The following CSNK1G1 variants were observed in gnomAD, a reference collection of about 807,000 sequenced individuals.
The protein encoded by CSNK1G1 is casein kinase 1 gamma 1.
Under a neutral mutation model 59.6 loss-of-function variants are expected in CSNK1G1, and 22 were observed. That is an observed-to-expected ratio of 0.37 (90% CI 0.26 to 0.53). CSNK1G1 has a LOEUF of 0.53. Ranked by LOEUF, CSNK1G1 falls within the 20% of genes least tolerant of loss-of-function variation. The probability of loss-of-function intolerance (pLI) is 0.89; values close to 1 mark genes in which losing one functional copy is unlikely to be tolerated. For synonymous variants in CSNK1G1, 179 were observed against 177.1 expected (o/e 1.01, Z -0.08); for missense variants, 384 against 519.5 (o/e 0.74, Z 2.54).
At chr15:64,334,962 G>C (rs1235060090) in intron 1 of CSNK1G1, among the ~76,000 whole-genome samples, 2 of 152,136 alleles carry the variant, frequency 1.3e-5, no homozygotes, top group South Asian at 4.1e-4. Context: ...AGTAAGCTTA[G>C]AGACCACAAT....
In CSNK1G1 at chr15:64,275,354, G is replaced by A. The variant is rs1893550411; in HGVS notation, c.182-16113C>T. 2.6e-5 allele frequency among the ~76,000 whole-genome samples: 4 copies of A among 152,096 alleles called. No homozygotes were observed. The South Asian group carries it at 8.3e-4, about 32-fold the overall frequency. ...CGGCCCAAAGAGCATCTCTTTAAGT[G>A]AGCAGTATGATTAGGGGTAAGAAGA... On this transcript the variant is annotated intron_variant, in intron 2 of 11. Transcript: ENST00000303052.
At chr15:64,320,270 C>T (rs967756712) in intron 1 of CSNK1G1, among the ~76,000 whole-genome samples, 1 of 151,994 alleles carries the variant, frequency 6.6e-6, no homozygotes, top group Non-Finnish European at 1.5e-5. Flanking sequence ...GAGGTTACAA[C>T]GCTCAGAAGT....
In CSNK1G1 at chr15:64,174,465, AG is replaced by A. The variant is rs139086627; in HGVS notation, c.1215-2481del. On this transcript the variant is annotated intron_variant, in intron 11 of 11. Coordinates refer to ENST00000303052, the MANE Select transcript of CSNK1G1 (RefSeq NM_022048.5). ...CTCTTTGGTGTCTGTGGTGACTACT[AG>A]CAACAGGATCTATTAAACTGGGTCA... Among the ~76,000 whole-genome samples, 1,085 of 152,362 alleles carry A rather than the reference AG, an allele frequency of 7.1e-3. 12 individuals carry two copies. The highest frequency in any genetic ancestry group is 0.025 in the African/African-American group (1,038 of 41,586).
At chr15:64,294,198 G>A (rs1053854810) in intron 2 of CSNK1G1, among the ~76,000 whole-genome samples, 22 of 152,012 alleles carry the variant, frequency 1.4e-4, no homozygotes, top group Admixed American at 7.9e-4. Flanking sequence ...TCAGCCTTCC[G>A]AGTAGCTGGG....
At chr15:64,291,924 C>A (rs189084019) in intron 2 of CSNK1G1, among the ~76,000 whole-genome samples, 1 of 151,632 alleles carries the variant, frequency 6.6e-6, no homozygotes, top group Non-Finnish European at 1.5e-5. Flanking sequence ...AAAAGCAGGG[C>A]GCAGTGGCTC....
intron 11 of CSNK1G1, among the ~76,000 whole-genome samples, chr15:64,178,888 C>T (rs1267928595): frequency 2.0e-5 from 3 of 151,998 alleles, no homozygotes; most frequent in Non-Finnish European, 4.4e-5. Context: ...GTACCTAGGA[C>T]TACAGGTGCA....
intron 3 of CSNK1G1, among the ~76,000 whole-genome samples, chr15:64,252,864 G>C (rs1053412660): frequency 1.3e-5 from 2 of 152,078 alleles, no homozygotes; most frequent in African/African-American, 4.8e-5. Context: ...TGGGCAACTG[G>C]CTAACAAGAA....
rs144743084 is a variant in CSNK1G1, at chr15:64,239,092, C to T, written c.292+12420G>A. On this transcript the variant is annotated intron_variant, in intron 4 of 11. Coordinates refer to ENST00000303052, the MANE Select transcript of CSNK1G1 (RefSeq NM_022048.5). Reference sequence around the variant, plus strand: ...CTGTATCACTAAACCTACCTGCACACAGATTCATCACACTCTTCCCAACCG... The same window carrying T: ...CTGTATCACTAAACCTACCTGCACATAGATTCATCACACTCTTCCCAACCG... Among the ~76,000 whole-genome samples, 554 of 152,262 alleles carry T rather than the reference C, an allele frequency of 3.6e-3. 2 individuals are homozygous for T. The highest frequency in any genetic ancestry group is 0.013 in the African/African-American group (526 of 41,540).
At chr15:64,254,395 C>A (rs1892259057) in intron 3 of CSNK1G1, among the ~76,000 whole-genome samples, 1 of 149,790 alleles carries the variant, frequency 6.7e-6, no homozygotes. Flanking sequence ...CTCTTGTTGC[C>A]CAGGCTGGAG....
chr15:64,240,286 A>C (rs1158308012), intron 4 of CSNK1G1, among the ~76,000 whole-genome samples: 1 of 152,168 alleles, frequency 6.6e-6, no homozygotes, highest in African/African-American at 2.4e-5. Context: ...AAGAAAGCTT[A>C]CAAGACTTAT....
chr15:64,259,320 C>A, intron 2 of CSNK1G1, 79 bp from the exon 3 acceptor site: 1 of 995,080 alleles, frequency 1.0e-6, no homozygotes, highest in South Asian at 1.5e-5. Flanking sequence ...CTTACAGGGT[C>A]ATGAGAAAGG....
intron 2 of CSNK1G1, among the ~76,000 whole-genome samples, chr15:64,284,076 A>G (rs1894283766): frequency 6.6e-6 from 1 of 152,162 alleles, no homozygotes; most frequent in East Asian, 1.9e-4. Flanking sequence ...TTGTCCCAAT[A>G]CCACTTGTCA....
At chr15:64,219,385 C>T (rs2082356062) in intron 4 of CSNK1G1, among the ~76,000 whole-genome samples, 1 of 152,192 alleles carries the variant, frequency 6.6e-6, no homozygotes, top group Admixed American at 6.5e-5. Flanking sequence ...ATGTTATTTT[C>T]CTAATATAAA....
intron 1 of CSNK1G1, among the ~76,000 whole-genome samples, chr15:64,326,818 CACCGTGCGCGA>C (rs1362599019): frequency 0.012 from 1,812 of 150,994 alleles, 24 homozygotes; most frequent in African/African-American, 0.043. Flanking sequence ...TGGGTGCGCG[CACCGTGCGCGA>C]GCCGAAGCAG....
At chr15:64,353,771 C>T (rs1450010259) in intron 1 of CSNK1G1, among the ~76,000 whole-genome samples, 3 of 151,824 alleles carry the variant, frequency 2.0e-5, no homozygotes, top group Non-Finnish European at 4.4e-5. Context: ...TTTGAGGCTG[C>T]AGTGAGTATA....
chr15:64,343,208 A>AACACACACAC lies in CSNK1G1; in HGVS notation c.-225+12770_-225+12779dup, dbSNP rs3057760. On this transcript the variant is annotated intron_variant, in intron 1 of 11. Transcript: ENST00000303052. ...GCCAGGGCAACAAGAGCAAAACTCC[A>AACACACACAC]ACACACACACACACACACACACACA... is the stretch of plus-strand genomic sequence containing the variant. 4.1e-3 allele frequency among the ~76,000 whole-genome samples: 453 copies of AACACACACAC among 110,022 alleles called. 6 individuals are homozygous for AACACACACAC. Among genetic ancestry groups the AACACACACAC allele is most frequent in the African/African-American group, 0.012 (369 of 29,870 alleles). The allele number at this position is 110,022 out of a possible 152,430, so 72.2% of individuals were successfully genotyped here.
chr15:64,212,168 C>T (rs1401989184), intron 6 of CSNK1G1, among the ~76,000 whole-genome samples: 1 of 152,116 alleles, frequency 6.6e-6, no homozygotes, highest in Non-Finnish European at 1.5e-5. Context: ...GTAACTTGTC[C>T]AAAGTAACGC....
At chr15:64,277,877 A>G (rs190136609) in intron 2 of CSNK1G1, among the ~76,000 whole-genome samples, 4,758 of 136,422 alleles carry the variant, frequency 0.035, 175 homozygotes, top group South Asian at 0.062. Context: ...TAATAATAAT[A>G]TTGATATATT....
chr15:64,168,201 G>C lies in CSNK1G1; in HGVS notation c.*3730C>G, dbSNP rs547132116. 1 of 152,638 alleles carries C rather than the reference G, an allele frequency of 6.6e-6. No individual in the cohort carries two copies. The allele number at this position is 152,638 out of a possible 1,614,324, so 9.5% of individuals were successfully genotyped here. A position where few individuals can be genotyped will look rare whatever the true frequency, so the allele number is the denominator to read the frequency against. ...GCTCATGCATTCCAATATAAAATGG[G>C]ATTTTAACTGGAAGCTAATCTTGTA... On this transcript the variant is annotated 3_prime_UTR_variant, in exon 12 of 12. Transcript: ENST00000303052.
Sources: gnomAD v4.1 joint callset for allele counts (sites outside exome capture counted in the v4.1 genomes callset) on GRCh38, gnomAD v4.1.1 for gene constraint, MANE v1.5 for transcripts, NCBI Gene and HGNC (gene_info 2026-07-23, HGNC 2026-07-21) for gene names.